The following TTYH2 variants were observed in gnomAD, a reference collection of about 807,000 sequenced individuals.
TTYH2 encodes the protein tweety family member 2.
In TTYH2, 49 loss-of-function variants were observed where a neutral mutation model predicts 68.3. The ratio of observed to expected loss-of-function variants is 0.72; its 90% CI spans 0.57 to 0.91. TTYH2 has a LOEUF of 0.91. TTYH2 is among the 40% of genes least tolerant of loss of function. The pLI is 0.00. For synonymous variants in TTYH2, 272 were observed against 300.8 expected (o/e 0.90, Z 0.99); for missense variants, 631 against 700.4 (o/e 0.90, Z 1.12).
chr17:74,234,724 C>T (rs2050425214), intron 3 of TTYH2, among the ~76,000 whole-genome samples: 1 of 151,972 alleles, frequency 6.6e-6, no homozygotes, highest in Non-Finnish European at 1.5e-5. Context: ...AGGGAGAAAA[C>T]AAGTGGCCTC....
intron 7 of TTYH2, 112 bp from the exon 8 acceptor site, chr17:74,249,232 C>A: frequency 6.4e-7 from 1 of 1,562,776 alleles, no homozygotes; most frequent in Non-Finnish European, 8.8e-7. Flanking sequence ...CTAGAAAGTG[C>A]CTCCCTTGGG....
At chr17:74,250,164 C>T (rs1015954587) in intron 9 of TTYH2, 101 bp from the exon 10 acceptor site, 2 of 1,462,572 alleles carry the variant, frequency 1.4e-6, no homozygotes, top group Non-Finnish European at 1.9e-6. Context: ...TCGGCTCCCT[C>T]CCTTGGCTCT....
rs375638944 is a variant in TTYH2, at chr17:74,214,833, G to A, written c.129+1117G>A. On this transcript the variant is annotated intron_variant, in intron 1 of 13. Transcript: ENST00000269346. This position sits in a 1 kb window ranked among gnomAD's most constrained non-coding sequence, Gnocchi z 4.6. Reference sequence around the variant, plus strand: ...TTCTCCAGATATGGGACAGATCAGGGCAAAGCAGGGCCTCTTGGAGGGAAT... The same window carrying A: ...TTCTCCAGATATGGGACAGATCAGGACAAAGCAGGGCCTCTTGGAGGGAAT... Among the ~76,000 whole-genome samples, 1 of 152,344 alleles carries A rather than the reference G, an allele frequency of 6.6e-6. No homozygotes were observed.
intron 5 of TTYH2, 89 bp downstream of exon 5, chr17:74,243,558 G>T (rs1472700433): frequency 1.4e-5 from 20 of 1,448,322 alleles, no homozygotes; most frequent in Middle Eastern, 1.7e-4. Flanking sequence ...GCTCCAGAGT[G>T]TGGGGAAAAT....
chr17:74,226,768 G>A (rs1009448901), intron 2 of TTYH2, among the ~76,000 whole-genome samples: 1 of 152,070 alleles, frequency 6.6e-6, no homozygotes, highest in African/African-American at 2.4e-5. Context: ...ATGGGGGAAG[G>A]GTAGTGATTT....
chr17:74,226,924 C>G (rs1306876688), intron 2 of TTYH2, among the ~76,000 whole-genome samples: 1 of 152,078 alleles, frequency 6.6e-6, no homozygotes, highest in South Asian at 2.1e-4. Flanking sequence ...CATTAAACAG[C>G]CAAGGCGATT....
intron 3 of TTYH2, among the ~76,000 whole-genome samples, chr17:74,233,559 G>A (rs2050411721): frequency 6.6e-6 from 1 of 152,184 alleles, no homozygotes; most frequent in Non-Finnish European, 1.5e-5. Context: ...GCAGGACCTG[G>A]ATCTGGGCCT....
At chr17:74,243,245 T>C (rs905431984) in intron 4 of TTYH2, 129 bp from the exon 5 acceptor site, 3 of 755,162 alleles carry the variant, frequency 4.0e-6, no homozygotes, top group Admixed American at 2.2e-5. Flanking sequence ...GGGTGCTTGC[T>C]GGCTCTGGGC....
intron 1 of TTYH2, among the ~76,000 whole-genome samples, chr17:74,216,036 C>T (rs2050219262): frequency 6.6e-6 from 1 of 152,198 alleles, no homozygotes; most frequent in African/African-American, 2.4e-5. Context: ...GTGTCTTAAC[C>T]TCTCTGAGCC....
At chr17:74,242,673 G>A (rs940836733) in intron 4 of TTYH2, among the ~76,000 whole-genome samples, 2 of 152,196 alleles carry the variant, frequency 1.3e-5, no homozygotes, top group African/African-American at 4.8e-5. Context: ...GATTACAGGC[G>A]TGAGCCACTG....
chr17:74,227,433 A>G (rs1315253681), intron 2 of TTYH2, among the ~76,000 whole-genome samples: 2 of 152,222 alleles, frequency 1.3e-5, no homozygotes, highest in Non-Finnish European at 2.9e-5. Context: ...AAGGATGAAC[A>G]CAAGGAGTCG....
rs1462330575 is a variant in TTYH2, at chr17:74,213,592, A to T, written c.5A>T (p.Gln2Leu). Residue 2 changes from glutamine (Q) to leucine (L), a missense_variant, in exon 1 of 14, where the codon CAG (glutamine) becomes CTG (leucine). Coordinates refer to ENST00000269346, the MANE Select transcript of TTYH2 (RefSeq NM_032646.6). The surrounding 1 kb of genome is among the most constrained non-coding windows in gnomAD (Gnocchi z 6.1). M[Q>L]AARVDYIAPW... Reference sequence around the variant, plus strand: ...GGGTAGCACTCGGGCCGAGCCATGCAGGCGGCGCGCGTGGACTACATCGCT... The same window carrying T: ...GGGTAGCACTCGGGCCGAGCCATGCTGGCGGCGCGCGTGGACTACATCGCT... 1.2e-6 allele frequency: 2 copies of T among 1,609,968 alleles called. No individual in the cohort carries two copies. Among genetic ancestry groups the T allele is most frequent in the Non-Finnish European group, 1.7e-6 (2 of 1,178,768 alleles).
At chr17:74,248,537 A>G (rs1439814376) in intron 6 of TTYH2, 7 of 997,088 alleles carry the variant, frequency 7.0e-6, no homozygotes, top group African/African-American at 1.7e-5. Flanking sequence ...GGGAGGCTTC[A>G]TAGATTGAAC....
In TTYH2 at chr17:74,237,222, CT is replaced by C. The variant is rs2050452233; in HGVS notation, c.415-71del. 4.7e-6 allele frequency: 7 copies of C among 1,504,038 alleles called. No homozygotes were observed. The South Asian group carries it at 8.3e-5, about 18-fold the overall frequency. The allele number at this position is 1,504,038 out of a possible 1,614,324, so 93.2% of individuals were successfully genotyped here. A position where few individuals can be genotyped will look rare whatever the true frequency, so the allele number is the denominator to read the frequency against. Reference sequence around the variant, plus strand: ...ACCTGGCCAGGCCACCTTCTGCTGCCTGCAAAGACCTCTTCCGGGATGAGAA... The same window carrying C: ...ACCTGGCCAGGCCACCTTCTGCTGCCGCAAAGACCTCTTCCGGGATGAGAA... On this transcript the variant is annotated intron_variant, in intron 3 of 13. Transcript: ENST00000269346.
chr17:74,243,275 G>T, intron 4 of TTYH2, 99 bp from the exon 5 acceptor site: 1 of 977,320 alleles, frequency 1.0e-6, no homozygotes, highest in South Asian at 1.3e-5. Flanking sequence ...ATAGTAGAGG[G>T]TCCAGTGTGT....
At chr17:74,226,114 G>A (rs994961925) in intron 2 of TTYH2, among the ~76,000 whole-genome samples, 2 of 152,254 alleles carry the variant, frequency 1.3e-5, no homozygotes, top group Admixed American at 1.3e-4. Context: ...GGGAAGAGAA[G>A]CAGACAGTCA....
At chr17:74,237,267 T>G (rs1235559821) in intron 3 of TTYH2, 27 bp from the exon 4 acceptor site, 1 of 1,610,084 alleles carries the variant, frequency 6.2e-7, no homozygotes, top group African/African-American at 1.3e-5. Flanking sequence ...TCTACCTCCA[T>G]GGCTTTTGCC....
At chr17:74,223,012 T>C (rs2143721535) in intron 2 of TTYH2, among the ~76,000 whole-genome samples, 1 of 152,122 alleles carries the variant, frequency 6.6e-6, no homozygotes, top group East Asian at 1.9e-4. Context: ...AGAAGAAAGT[T>C]TGACTCCAGC....
intron 1 of TTYH2, among the ~76,000 whole-genome samples, chr17:74,221,091 C>T (rs1320445129): frequency 2.0e-5 from 3 of 152,180 alleles, no homozygotes; most frequent in African/African-American, 7.2e-5. Flanking sequence ...CCACACCTGG[C>T]GGAAAGCCAC....
Sources: allele counts gnomAD v4.1 joint callset (sites outside exome capture counted in the v4.1 genomes callset), GRCh38; gene constraint gnomAD v4.1.1; non-coding constraint Gnocchi (gnomAD v3.1); transcripts MANE v1.5; gene names NCBI Gene and HGNC (gene_info 2026-07-23, HGNC 2026-07-21).